The following CHAMP1 variants were observed in gnomAD, a reference collection of about 807,000 sequenced individuals.
The protein encoded by CHAMP1 is chromosome alignment maintaining phosphoprotein 1.
In CHAMP1, 4 loss-of-function variants were observed where a neutral mutation model predicts 54.5. The ratio of observed to expected loss-of-function variants is 0.07; its 90% CI spans 0.04 to 0.17. The LOEUF (loss-of-function observed/expected upper bound fraction) is 0.17, where lower values mean the gene tolerates loss of function less well. Ranked by LOEUF, CHAMP1 falls within the 10% of genes least tolerant of loss-of-function variation. The pLI, the probability that CHAMP1 is intolerant of heterozygous loss-of-function variation, is 1.00. For synonymous variants in CHAMP1, 368 were observed against 342.2 expected (o/e 1.08, Z -0.83); for missense variants, 994 against 968.6 (o/e 1.03, Z -0.35).
intron 1 of CHAMP1, among the ~76,000 whole-genome samples, chr13:114,319,861 AG>A (rs2087146339): frequency 6.6e-6 from 1 of 152,236 alleles, no homozygotes; most frequent in Non-Finnish European, 1.5e-5. Flanking sequence ...ACAAATGCAC[AG>A]ACGCTGGAAT....
rs1307889524 is a variant in CHAMP1 at position 114,321,131 on chromosome 13, C to G, written c.-157C>G. On this transcript the variant is annotated 5_prime_UTR_variant, in exon 2 of 3. Coordinates refer to ENST00000361283, the MANE Select transcript of CHAMP1 (RefSeq NM_032436.4). ...CCAGGTTCAACTTCTCATCTTTGTT[C>G]TTCTTCATATACTATAGGCTGTTTG... is the stretch of plus-strand genomic sequence containing the variant. 1 of 63,608 alleles carries G rather than the reference C, an allele frequency of 1.6e-5. No homozygotes were observed. The highest frequency in any genetic ancestry group is 4.4e-4 in the South Asian group (1 of 2,250). The allele number at this position is 63,608 out of a possible 1,614,324, so 3.9% of individuals were successfully genotyped here.
At chr13:114,317,590 C>T (rs550003526) in intron 1 of CHAMP1, among the ~76,000 whole-genome samples, 1 of 152,094 alleles carries the variant, frequency 6.6e-6, no homozygotes, top group African/African-American at 2.4e-5. Flanking sequence ...CGTCACTGCA[C>T]CAAAACCTTG....
intron 1 of CHAMP1, among the ~76,000 whole-genome samples, chr13:114,319,279 C>T (rs1019604988): frequency 6.6e-6 from 1 of 152,040 alleles, no homozygotes; most frequent in Admixed American, 6.6e-5. Flanking sequence ...CTTTTCCTAC[C>T]CTCAAATCCT....
At chr13:114,315,953 C>T (rs2087094017) in intron 1 of CHAMP1, among the ~76,000 whole-genome samples, 1 of 151,232 alleles carries the variant, frequency 6.6e-6, no homozygotes, top group Non-Finnish European at 1.5e-5. Flanking sequence ...TCTTTTGCCT[C>T]ATTCTCCCAA....
chr13:114,325,642 T>A lies in CHAMP1; in HGVS notation c.1800T>A (p.Leu600=). Residue 600 remains leucine (L), a synonymous_variant, in exon 3 of 3, where the codon CTT becomes CTA. Transcript: ENST00000361283. ...QKCDILVQEE[L]LASPKKLLED... is the part of the protein sequence containing the mutation. ...GTGATATTTTGGTTCAGGAAGAACT[T>A]CTAGCTTCACCTAAGAAACTCTTAG... 2 of 1,614,154 alleles carry A rather than the reference T, an allele frequency of 1.2e-6. No individual in the cohort carries two copies. The highest frequency in any genetic ancestry group is 8.5e-7 in the Non-Finnish European group (1 of 1,180,030).
chr13:114,321,275 A>C (rs1165540978), intron 2 of CHAMP1, 43 bp downstream of exon 2: 1 of 151,704 alleles, frequency 6.6e-6, no homozygotes, highest in Non-Finnish European at 1.5e-5. Flanking sequence ...ATATTTTATG[A>C]GGAGAAAATT....
Position 114,324,354 on chromosome 13 carries a change from T to G in CHAMP1, c.512T>G (p.Leu171Arg), listed in dbSNP as rs1251961738. The change falls in exon 3 of 3, where the codon CTT (leucine) becomes CGT (arginine). Residue 171 changes from leucine (L) to arginine (R), a missense_variant. By Grantham distance (102) the Leu-to-Arg change is moderately radical. Around this residue, in one of 3 missense-constraint regions of CHAMP1, gnomAD observed 851 missense variants for 701.3 expected, o/e 1.21. Coordinates refer to ENST00000361283, the MANE Select transcript of CHAMP1 (RefSeq NM_032436.4). ...GTTTCTCCTGAGCTACAGACACCTC[T>G]TCCTTCTCCTGAGCCTTCAAAACCT... ...SVVSPELQTP[L>R]PSPEPSKPAS... 6 of 1,614,016 alleles carry G rather than the reference T, an allele frequency of 3.7e-6. No homozygotes were observed. Among genetic ancestry groups the G allele is most frequent in the Non-Finnish European group, 4.2e-6 (5 of 1,180,032 alleles).
At chr13:114,320,535 G>A (rs2087153877) in intron 1 of CHAMP1, among the ~76,000 whole-genome samples, 1 of 152,192 alleles carries the variant, frequency 6.6e-6, no homozygotes, top group African/African-American at 2.4e-5. Context: ...AGTGAAGTTA[G>A]GTGGTGGGTT....
In CHAMP1 at chr13:114,326,450, CTCTG is replaced by C. The variant is rs1405178989; in HGVS notation, c.*173_*176del. 24 of 728,702 alleles carry C rather than the reference CTCTG, an allele frequency of 3.3e-5. No individual in the cohort carries two copies. In the South Asian group the frequency reaches 3.8e-4, roughly 11 times the overall value. 45.1% of individuals were successfully genotyped at this position (728,702 alleles called of 1,614,324 possible). A position where few individuals can be genotyped will look rare whatever the true frequency, so the allele number is the denominator to read the frequency against. ...GAGCATTTGATCATTTTTTTCTGGT[CTCTG>C]TCTATGTGACTATCTTGTAAGTCAA... On this transcript the variant is annotated 3_prime_UTR_variant, in exon 3 of 3. Transcript: ENST00000361283.
At chr13:114,315,580 G>A (rs960836684) in intron 1 of CHAMP1, among the ~76,000 whole-genome samples, 1 of 152,112 alleles carries the variant, frequency 6.6e-6, no homozygotes, top group African/African-American at 2.4e-5. Context: ...ACATTATACA[G>A]TATAAACGAG....
Position 114,325,857 on chromosome 13 carries a change from A to G in CHAMP1, c.2015A>G (p.Asp672Gly), listed in dbSNP as rs2087243966. Residue 672 changes from aspartate to glycine, a missense_variant, in exon 3 of 3, where the codon GAC (aspartate) becomes GGC (glycine). By Grantham distance (94) the Asp-to-Gly change is moderately conservative (BLOSUM62 -1). Around this residue, in one of 3 missense-constraint regions of CHAMP1, gnomAD observed 851 missense variants for 701.3 expected, o/e 1.21. Coordinates refer to ENST00000361283, the MANE Select transcript of CHAMP1 (RefSeq NM_032436.4). ...GATTTTAGCAAAGAGAACAAAATGG[A>G]CATGACTAGTCCAGAGCAGTCTAGA... ...SIDFSKENKM[D>G]MTSPEQSRNV... 3.1e-6 allele frequency: 5 copies of G among 1,614,212 alleles called. No homozygotes were observed. Among genetic ancestry groups the G allele is most frequent in the Non-Finnish European group, 4.2e-6 (5 of 1,180,020 alleles).
Position 114,325,764 on chromosome 13 carries a change from T to G in CHAMP1, c.1922T>G (p.Leu641Trp). ...LSSSEYIKTD[L>W]DAMDIKGQES... is the part of the protein sequence containing the mutation. Reference sequence around the variant, plus strand: ...AGTAGTGAGTACATAAAAACAGATTTGGATGCGATGGATATTAAGGGCCAG... The same window carrying G: ...AGTAGTGAGTACATAAAAACAGATTGGGATGCGATGGATATTAAGGGCCAG... Residue 641 changes from leucine (L) to tryptophan (W), a missense_variant, in exon 3 of 3, where the codon TTG becomes TGG. Physicochemically the swap from Leu to Trp is moderately conservative, Grantham distance 61 (BLOSUM62 -2). Transcript: ENST00000361283. The G allele has an allele frequency of 1.9e-6, 3 of 1,614,104 alleles. No individual in the cohort carries two copies. Among genetic ancestry groups the G allele is most frequent in the Admixed American group, 1.7e-5 (1 of 60,016 alleles).
chr13:114,323,679 T>C, intron 2 of CHAMP1, 109 bp from the exon 3 acceptor site: 1 of 862,928 alleles, frequency 1.2e-6, no homozygotes, highest in South Asian at 2.1e-5. Flanking sequence ...TACTATCAAA[T>C]AAAGCACGCA....
chr13:114,325,895 T>C lies in CHAMP1; in HGVS notation c.2053T>C (p.Phe685Leu), dbSNP rs782442773. ...AGAGCAGTCTAGAAATGTGCTACAGTTTACTGAAGAAAAAGAAGCTTTTAT... is the reference window on the plus strand; with the variant it reads ...AGAGCAGTCTAGAAATGTGCTACAGCTTACTGAAGAAAAAGAAGCTTTTAT... ...SPEQSRNVLQ[F>L]TEEKEAFISE... The change falls in exon 3 of 3, where the codon TTT becomes CTT. Residue 685 changes from phenylalanine to leucine, a missense_variant. By Grantham distance (22) the Phe-to-Leu change is conservative. Coordinates refer to ENST00000361283, the MANE Select transcript of CHAMP1 (RefSeq NM_032436.4). 6 of 1,613,848 alleles carry C rather than the reference T, an allele frequency of 3.7e-6. No individual in the cohort carries two copies. The highest frequency in any genetic ancestry group is 4.2e-6 in the Non-Finnish European group (5 of 1,179,946).
rs1555379656 is a variant in CHAMP1 at position 114,324,955 on chromosome 13, ATCT to A, written c.1116_1118del (p.Ser374del). ...CATCTGTGTCTTCTGCATCCTGGAA[ATCT>A]TCATCAGTCTCACCCAGCTCCTGGA... On this transcript the variant is annotated inframe_deletion, in exon 3 of 3. Coordinates refer to ENST00000361283, the MANE Select transcript of CHAMP1 (RefSeq NM_032436.4). The A allele has an allele frequency of 1.9e-6, 3 of 1,613,788 alleles. No individual in the cohort carries two copies. The highest frequency in any genetic ancestry group is 1.3e-5 in the African/African-American group (1 of 74,798).
intron 1 of CHAMP1, among the ~76,000 whole-genome samples, chr13:114,318,017 A>G (rs1249446425): frequency 6.6e-6 from 1 of 152,246 alleles, no homozygotes; most frequent in East Asian, 1.9e-4. Context: ...AAATTTTGCT[A>G]GAACCTAAAA....
chr13:114,321,821 A>T (rs1006214139), intron 2 of CHAMP1, among the ~76,000 whole-genome samples: 1 of 152,172 alleles, frequency 6.6e-6, no homozygotes, highest in Non-Finnish European at 1.5e-5. Context: ...CTGGCCCCAA[A>T]ACAGTTTTCT....
chr13:114,325,884 A>G lies in CHAMP1; in HGVS notation c.2042A>G (p.Asn681Ser), dbSNP rs1266487751. The G allele has an allele frequency of 2.5e-6, 4 of 1,614,012 alleles. No individual in the cohort carries two copies. The highest frequency in any genetic ancestry group is 3.4e-6 in the Non-Finnish European group (4 of 1,180,024). Residue 681 changes from asparagine to serine, a missense_variant, in exon 3 of 3, where the codon AAT (asparagine) becomes AGT (serine). Transcript: ENST00000361283. The part of the protein sequence containing the change: ...MDMTSPEQSR[N>S]VLQFTEEKEA... ...ATGACTAGTCCAGAGCAGTCTAGAA[A>G]TGTGCTACAGTTTACTGAAGAAAAA...
rs782358795 is a variant in CHAMP1 at position 114,325,347 on chromosome 13, C to T, written c.1505C>T (p.Ser502Phe). 2.4e-5 allele frequency: 38 copies of T among 1,614,026 alleles called. No homozygotes were observed. Among genetic ancestry groups the T allele is most frequent in the Non-Finnish European group, 3.2e-5 (38 of 1,180,042 alleles). ...CCTGAGACCCGAAAACCAGGTCCTT[C>T]TGGGCCATCTGAGTCCCCCAAAGCA... Reference protein sequence around the residue: ...VFPETRKPGPSGPSESPKAAS... With the variant: ...VFPETRKPGPFGPSESPKAAS... The change falls in exon 3 of 3, where the codon TCT (serine) becomes TTT (phenylalanine). Residue 502 changes from serine (S) to phenylalanine (F), a missense_variant. Transcript: ENST00000361283.
Sources: allele counts gnomAD v4.1 joint callset (sites outside exome capture counted in the v4.1 genomes callset), GRCh38; gene constraint gnomAD v4.1.1; regional missense constraint gnomAD v4.1.1; transcripts MANE v1.5; gene names NCBI Gene and HGNC (gene_info 2026-07-23, HGNC 2026-07-21).